Variants in ANKRD37 observed in about 807,000 individuals in gnomAD.
The protein encoded by ANKRD37 is ankyrin repeat domain-containing protein 37.
In ANKRD37, 17 loss-of-function variants were observed where a neutral mutation model predicts 19.7. The observed-to-expected ratio is 0.86, with a 90% CI of 0.59 to 1.29. The LOEUF is 1.29. Ranked by LOEUF, ANKRD37 falls within the 50% of genes most tolerant of loss-of-function variation. The pLI, the probability that ANKRD37 is intolerant of heterozygous loss-of-function variation, is 0.00. For synonymous variants in ANKRD37, 79 were observed against 74.5 expected (o/e 1.06, Z -0.31); for missense variants, 207 against 190.4 (o/e 1.09, Z -0.51).
rs764886919 is a variant in ANKRD37, at chr4:185,399,626, C to T, written c.329C>T (p.Pro110Leu). ...AEDLAWSCGF[P>L]DCAKFLTTIK... Reference sequence around the variant, plus strand: ...GATCTCGCTTGGTCATGTGGATTTCCAGACTGTGCCAAGTTTCTTACAACA... The same window carrying T: ...GATCTCGCTTGGTCATGTGGATTTCTAGACTGTGCCAAGTTTCTTACAACA... The change falls in exon 4 of 5, where the codon CCA becomes CTA. Residue 110 changes from proline (P) to leucine (L), a missense_variant. Transcript: ENST00000335174. 8.7e-6 allele frequency: 14 copies of T among 1,614,002 alleles called. No individual in the cohort carries two copies. The highest frequency in any genetic ancestry group is 1.2e-5 in the Non-Finnish European group (14 of 1,180,018).
chr4:185,396,841 G>T lies in ANKRD37; in HGVS notation c.-83G>T. Reference sequence around the variant, plus strand: ...AATTCTCCCGTGCTAGGGCCAGCCTGCGCATTCTTACCTGTCGGGGTGCGG... The same window carrying T: ...AATTCTCCCGTGCTAGGGCCAGCCTTCGCATTCTTACCTGTCGGGGTGCGG... On this transcript the variant is annotated 5_prime_UTR_variant, in exon 1 of 5. Transcript: ENST00000335174. The T allele has an allele frequency of 2.7e-6, 4 of 1,455,594 alleles. No homozygotes were observed. Among genetic ancestry groups the T allele is most frequent in the East Asian group, 2.3e-5 (1 of 44,164 alleles). 90.2% of individuals were successfully genotyped at this position (1,455,594 alleles called of 1,614,324 possible). A position where few individuals can be genotyped will look rare whatever the true frequency, so the allele number is the denominator to read the frequency against.
At position 185,399,236 on chromosome 4, in the gene ANKRD37, G is replaced by A. The variant is rs185333709; in HGVS notation, c.272+208G>A. Among the ~76,000 whole-genome samples, 247 of 152,294 alleles carry A rather than the reference G, an allele frequency of 1.6e-3. 1 individual carries two copies. Among genetic ancestry groups the A allele is most frequent in the African/African-American group, 5.6e-3 (231 of 41,562 alleles). ...AAAAGTCAGATCCTGAGCAATCAGA[G>A]GTGCAATTTTGTTCATTATGACTGT... On this transcript the variant is annotated intron_variant, in intron 3 of 4. Transcript: ENST00000335174.
At chr4:185,397,988 G>C (rs1334165390) in intron 2 of ANKRD37, among the ~76,000 whole-genome samples, 1 of 152,192 alleles carries the variant, frequency 6.6e-6, no homozygotes, top group African/African-American at 2.4e-5. Context: ...ACGGAGTTTT[G>C]CTTTTGTCGC....
At chr4:185,399,136 A>C in intron 3 of ANKRD37, 108 bp downstream of exon 3, 3 of 918,872 alleles carry the variant, frequency 3.3e-6, no homozygotes, top group Non-Finnish European at 5.1e-6. Flanking sequence ...TGCGTAATTG[A>C]TAATTTAGTG....
chr4:185,397,551 C>A (rs554708897), intron 2 of ANKRD37: 20 of 468,912 alleles, frequency 4.3e-5, no homozygotes, highest in African/African-American at 3.0e-4. Flanking sequence ...AGTATTTGAC[C>A]CAATTTGTCC....
rs370050545 is a variant in ANKRD37 at position 185,397,310 on chromosome 4, G to T, written c.180+8G>T. ...GCTGACCTCAACCAGCAGGTAACTA[G>T]GTAACTGTTGCTGTGTACAGCCGTC... is the stretch of plus-strand genomic sequence containing the variant. On this transcript the variant is annotated splice_region_variant and intron_variant, in intron 2 of 4. Coordinates refer to ENST00000335174, the MANE Select transcript of ANKRD37 (RefSeq NM_181726.4). 1.2e-6 allele frequency: 2 copies of T among 1,613,368 alleles called. No homozygotes were observed. The highest frequency in any genetic ancestry group is 1.3e-5 in the African/African-American group (1 of 74,928).
downstream of ANKRD37, chr4:185,400,532 C>CA (rs572741495): frequency 5.3e-3 from 7,309 of 1,385,070 alleles, 43 homozygotes; most frequent in Non-Finnish European, 5.3e-3. Context: ...AAGATTATGT[C>CA]ATGGAAATCG....
In ANKRD37 at chr4:185,396,852, C is replaced by G; in HGVS notation, c.-72C>G. 6.6e-7 allele frequency: 1 copy of G among 1,523,170 alleles called. No individual in the cohort carries two copies. Among genetic ancestry groups the G allele is most frequent in the Non-Finnish European group, 9.1e-7 (1 of 1,103,262 alleles). The allele number at this position is 1,523,170 out of a possible 1,614,324, so 94.4% of individuals were successfully genotyped here. On this transcript the variant is annotated 5_prime_UTR_variant, in exon 1 of 5. Transcript: ENST00000335174. Reference sequence around the variant, plus strand: ...GCTAGGGCCAGCCTGCGCATTCTTACCTGTCGGGGTGCGGCGAGTGTCTCA... The same window carrying G: ...GCTAGGGCCAGCCTGCGCATTCTTAGCTGTCGGGGTGCGGCGAGTGTCTCA...
chr4:185,399,856 C>A, intron 4 of ANKRD37, 83 bp downstream of exon 4: 1 of 1,575,724 alleles, frequency 6.3e-7, no homozygotes, highest in East Asian at 2.3e-5. Flanking sequence ...TTAATACTGA[C>A]ACTCGTATTT....
intron 4 of ANKRD37, 111 bp from the exon 5 acceptor site, chr4:185,399,906 G>A: frequency 6.5e-7 from 1 of 1,542,276 alleles, no homozygotes; most frequent in Non-Finnish European, 8.7e-7. Context: ...TTTTAGTACT[G>A]GTTATACTTA....
In ANKRD37 at chr4:185,399,768, G is replaced by A. The variant is rs2126872721; in HGVS notation, c.471G>A (p.Lys157=). ...GSVENTSGKR[K]C ...TAGAAAATACCAGTGGGAAAAGGAA[G>A]TGCTGGTAAGTAACTCAGAGCTGCT... The change falls in exon 4 of 5, where the codon AAG becomes AAA. Residue 157 remains lysine, a synonymous_variant. Coordinates refer to ENST00000335174, the MANE Select transcript of ANKRD37 (RefSeq NM_181726.4). 1.9e-6 allele frequency: 3 copies of A among 1,614,026 alleles called. No individual in the cohort carries two copies. Among genetic ancestry groups the A allele is most frequent in the Admixed American group, 3.3e-5 (2 of 60,016 alleles).
chr4:185,398,027 G>A (rs1001426187), intron 2 of ANKRD37, among the ~76,000 whole-genome samples: 2 of 152,124 alleles, frequency 1.3e-5, no homozygotes, highest in African/African-American at 2.4e-5. Flanking sequence ...GCGCGATCTC[G>A]GCTCACTGCA....
chr4:185,397,292 T>TTG lies in ANKRD37; in HGVS notation c.170_171insTG (p.Asn58AlafsTer7). 1 of 1,613,876 alleles carries TTG rather than the reference T, an allele frequency of 6.2e-7. No homozygotes were observed. Among genetic ancestry groups the TTG allele is most frequent in the Non-Finnish European group, 8.5e-7 (1 of 1,179,980 alleles). ...TGGCAGCTGCAAACGGGCGCTGACC[T>TTG]CAACCAGCAGGTAACTAGGTAACTG... On this transcript the variant is annotated frameshift_variant, in exon 2 of 5. Coordinates refer to ENST00000335174, the MANE Select transcript of ANKRD37 (RefSeq NM_181726.4). LOFTEE classifies it high-confidence loss of function.
downstream of ANKRD37, chr4:185,400,242 T>C (rs2095511692): frequency 8.1e-6 from 6 of 740,378 alleles, no homozygotes; most frequent in East Asian, 1.1e-4. Context: ...GTCTAAAAAA[T>C]ACATTCTCCG....
Position 185,398,994 on chromosome 4 carries a change from C to G in ANKRD37, c.238C>G (p.Leu80Val), listed in dbSNP as rs759561906. The G allele has an allele frequency of 1.2e-6, 2 of 1,613,870 alleles. No homozygotes were observed. Among genetic ancestry groups the G allele is most frequent in the Non-Finnish European group, 1.7e-6 (2 of 1,179,844 alleles). Residue 80 changes from leucine to valine, a missense_variant, in exon 3 of 5, where the codon CTA becomes GTA. By Grantham distance (32) the Leu-to-Val change is conservative. Coordinates refer to ENST00000335174, the MANE Select transcript of ANKRD37 (RefSeq NM_181726.4). ...AGCAAAAGTTGGAAGCCTGGAGTGC[C>G]TAAGCCTGCTTGTAGCCAGTGATGC... ...KAAKVGSLEC[L>V]SLLVASDAQI...
chr4:185,397,047 G>A, intron 1 of ANKRD37, 97 bp downstream of exon 1: 1 of 1,610,132 alleles, frequency 6.2e-7, no homozygotes, highest in African/African-American at 1.3e-5. Context: ...ACTGGGCGCT[G>A]CCTGGTCAGA....
At position 185,397,140 on chromosome 4, in the gene ANKRD37, C is replaced by A. The variant is rs772772775; in HGVS notation, c.28-10C>A. ...GTGGGAAGGGTGCTGGATCTGTTCT[C>A]TTCCTGCAGGTGGATGGTCTGAAGC... On this transcript the variant is annotated splice_polypyrimidine_tract_variant and intron_variant, in intron 1 of 4. Transcript: ENST00000335174. The A allele has an allele frequency of 3.7e-6, 6 of 1,613,128 alleles. No individual in the cohort carries two copies. The highest frequency in any genetic ancestry group is 3.4e-6 in the Non-Finnish European group (4 of 1,179,902).
Position 185,397,176 on chromosome 4 carries a change from G to C in ANKRD37, c.54G>C (p.Glu18Asp). ...PEVDGLKHLL[E>D]TGASVNAPPD... is the part of the protein sequence containing the mutation. ...TGGATGGTCTGAAGCATTTGCTGGA[G>C]ACAGGGGCCTCGGTCAACGCACCCC... The change falls in exon 2 of 5, where the codon GAG becomes GAC. Residue 18 changes from glutamate to aspartate, a missense_variant. Physicochemically the swap from Glu to Asp is conservative, Grantham distance 45. Transcript: ENST00000335174. 1 of 1,613,744 alleles carries C rather than the reference G, an allele frequency of 6.2e-7. No homozygotes were observed.
At chr4:185,399,091 G>A in intron 3 of ANKRD37, 63 bp downstream of exon 3, 1 of 1,352,832 alleles carries the variant, frequency 7.4e-7, no homozygotes, top group Non-Finnish European at 1.1e-6. Context: ...TCAGACTCCT[G>A]AAGCTTAGTT....
Sources: gnomAD v4.1 joint callset for allele counts (sites outside exome capture counted in the v4.1 genomes callset) on GRCh38, gnomAD v4.1.1 for gene constraint, MANE v1.5 for transcripts, NCBI Gene and HGNC (gene_info 2026-07-23, HGNC 2026-07-21) for gene names.